OXLD1: variants seen among roughly 807,000 people sequenced by gnomAD.
OXLD1 encodes oxidoreductase-like domain-containing protein 1.
In OXLD1, 4 loss-of-function variants were observed where a neutral mutation model predicts 3.1. The observed-to-expected ratio is 1.28, with a 90% CI of 0.63 to 2.92. The LOEUF (loss-of-function observed/expected upper bound fraction) is 2.92, where lower values mean the gene tolerates loss of function less well. OXLD1 is among the 30% of genes most tolerant of loss of function. The pLI is 0.01. For missense variants in OXLD1, 240 were observed against 204.6 expected (o/e 1.17, Z -1.05); for synonymous variants, 100 against 87.0 (o/e 1.15, Z -0.83).
At chr17:81,666,286 T>C in intron 1 of OXLD1, 1 of 501,194 alleles carries the variant, frequency 2.0e-6, no homozygotes, top group East Asian at 3.5e-5. Context: ...CCGGGCTGCT[T>C]CCTCTCCCAA....
chr17:81,665,657 T>C, intron 1 of OXLD1, 73 bp from the exon 2 acceptor site: 1 of 1,486,210 alleles, frequency 6.7e-7, no homozygotes, highest in Non-Finnish European at 8.9e-7. Flanking sequence ...AGTGAGGACA[T>C]TTCAGCTCTC....
chr17:81,665,603 A>G lies in OXLD1; in HGVS notation c.61-19T>C. The stretch of plus-strand genomic sequence containing the variant: ...GAGCCCCCTGAGGATGCAGACAAAC[A>G]TGTGACTCTCCAGGAAGCTGGTGAG... On this transcript the variant is annotated intron_variant, in intron 1 of 1. Coordinates refer to ENST00000374741, the MANE Select transcript of OXLD1 (RefSeq NM_001039842.3). 6.4e-7 allele frequency: 1 copy of G among 1,558,030 alleles called. No homozygotes were observed. The highest frequency in any genetic ancestry group is 1.2e-5 in the South Asian group (1 of 83,934).
At chr17:81,665,628 G>C in intron 1 of OXLD1, 44 bp from the exon 2 acceptor site, 5 of 1,534,404 alleles carry the variant, frequency 3.3e-6, no homozygotes, top group Middle Eastern at 1.8e-4. Context: ...AAGCTGGTGA[G>C]GCCCGGTCTA....
chr17:81,666,585 G>A lies in OXLD1; in HGVS notation c.-8C>T, dbSNP rs767117815. 8.2e-6 allele frequency: 12 copies of A among 1,454,716 alleles called. No individual in the cohort carries two copies. The Admixed American group carries it at 1.5e-4, about 18-fold the overall frequency. The allele number at this position is 1,454,716 out of a possible 1,614,324, so 90.1% of individuals were successfully genotyped here. A position where few individuals can be genotyped will look rare whatever the true frequency, so the allele number is the denominator to read the frequency against. The stretch of plus-strand genomic sequence containing the variant: ...CACCCTCCGCAGCAGCATCGCCCGC[G>A]GACGGGATCCGGCAACCCCTGACCG... On this transcript the variant is annotated 5_prime_UTR_variant, in exon 1 of 2. Transcript: ENST00000374741.
At chr17:81,665,872 C>A in intron 1 of OXLD1, 2 of 473,888 alleles carry the variant, frequency 4.2e-6, no homozygotes, top group Non-Finnish European at 3.8e-6. Context: ...GGGAGGCACT[C>A]GACACCTCCA....
intron 1 of OXLD1, chr17:81,666,031 CCT>C (rs1468293655): frequency 1.1e-4 from 45 of 409,500 alleles, no homozygotes; most frequent in Middle Eastern, 1.3e-3. Flanking sequence ...TCCAAGTTTC[CCT>C]GTCACAAAGC....
chr17:81,666,128 CA>C lies in OXLD1; in HGVS notation c.60+389del, dbSNP rs2036609961. ...CTGCCCTGCTCTATCTACCCAGGAT[CA>C]CGGACTGACACGCTACCAACTTCAC... On this transcript the variant is annotated intron_variant, in intron 1 of 1. Transcript: ENST00000374741. The C allele has an allele frequency of 9.4e-6, 4 of 424,908 alleles. No homozygotes were observed. The South Asian group carries it at 2.6e-4, about 28-fold the overall frequency. The allele number at this position is 424,908 out of a possible 1,614,324, so 26.3% of individuals were successfully genotyped here.
In OXLD1 at chr17:81,665,052, T is replaced by G. The variant is rs528133431; in HGVS notation, c.*149A>C. ...ACAAAAACCTCCTGTGAAACCACCA[T>G]AGAGAATTTATTTTTTTCTCAGGTG... On this transcript the variant is annotated 3_prime_UTR_variant, in exon 2 of 2. Coordinates refer to ENST00000374741, the MANE Select transcript of OXLD1 (RefSeq NM_001039842.3). The G allele has an allele frequency of 1.2e-5, 13 of 1,102,182 alleles. No individual in the cohort carries two copies. The South Asian group carries it at 2.3e-4, about 19-fold the overall frequency. 68.3% of individuals were successfully genotyped at this position (1,102,182 alleles called of 1,614,324 possible).
chr17:81,666,550 C>G lies in OXLD1; in HGVS notation c.28G>C (p.Gly10Arg), dbSNP rs751266429. Reference protein sequence around the residue: MLLRRVVEGGRAVAAAVRGS... With the variant: MLLRRVVEGRRAVAAAVRGS... ...CGGACCGCGGCGGCTACCGCCCGGC[C>G]TCCCTCGACCACCCTCCGCAGCAGC... Residue 10 changes from glycine (G) to arginine (R), a missense_variant, in exon 1 of 2, where the codon GGC (glycine) becomes CGC (arginine). Coordinates refer to ENST00000374741, the MANE Select transcript of OXLD1 (RefSeq NM_001039842.3). The G allele has an allele frequency of 6.6e-7, 1 of 1,513,000 alleles. No homozygotes were observed. The allele number at this position is 1,513,000 out of a possible 1,614,324, so 93.7% of individuals were successfully genotyped here. A position where few individuals can be genotyped will look rare whatever the true frequency, so the allele number is the denominator to read the frequency against.
chr17:81,665,797 T>A (rs1034827656), intron 1 of OXLD1: 1 of 597,708 alleles, frequency 1.7e-6, no homozygotes, highest in Non-Finnish European at 2.8e-6. Context: ...ACGGTGTGAT[T>A]CACAAGAAGT....
chr17:81,665,265 G>T lies in OXLD1; in HGVS notation c.380C>A (p.Ala127Asp). 6.2e-7 allele frequency: 1 copy of T among 1,613,550 alleles called. No homozygotes were observed. Among genetic ancestry groups the T allele is most frequent in the Non-Finnish European group, 8.5e-7 (1 of 1,180,004 alleles). Reference protein sequence around the residue: ...RALAALEEHVADENLKAFLRM... With the variant: ...RALAALEEHVDDENLKAFLRM... ...GAGGAAGGCCTTGAGGTTCTCATCA[G>T]CCACGTGCTCCTCCAGGGCAGCCAG... Residue 127 changes from alanine (A) to aspartate (D), a missense_variant, in exon 2 of 2, where the codon GCT becomes GAT. Coordinates refer to ENST00000374741, the MANE Select transcript of OXLD1 (RefSeq NM_001039842.3).
At chr17:81,666,241 C>T in intron 1 of OXLD1, 1 of 489,486 alleles carries the variant, frequency 2.0e-6, no homozygotes, top group Non-Finnish European at 3.6e-6. Context: ...CACAGGCGCT[C>T]GGCAGATACT....
Position 81,665,161 on chromosome 17 carries a change from C to A in OXLD1, c.*40G>T, listed in dbSNP as rs202131274. The A allele has an allele frequency of 1.9e-6, 3 of 1,562,792 alleles. No individual in the cohort carries two copies. The highest frequency in any genetic ancestry group is 2.7e-5 in the African/African-American group (2 of 73,964). The stretch of plus-strand genomic sequence containing the variant: ...GAAGGAAGGAGGCTGCGGCTGCGTC[C>A]TGGACTCCGTCCTGCGGTAGGGAGT... On this transcript the variant is annotated 3_prime_UTR_variant, in exon 2 of 2. Transcript: ENST00000374741.
At chr17:81,666,281 C>T (rs981366460) in intron 1 of OXLD1, 22 of 495,948 alleles carry the variant, frequency 4.4e-5, no homozygotes, top group African/African-American at 4.3e-4. Flanking sequence ...GTTCACCGGG[C>T]TGCTTCCTCT....
intron 1 of OXLD1, chr17:81,665,877 C>T (rs1229334705): frequency 4.2e-6 from 2 of 473,496 alleles, no homozygotes; most frequent in Non-Finnish European, 7.5e-6. Flanking sequence ...GCACTCGACA[C>T]CTCCAGCTAA....
At chr17:81,666,414 A>G in intron 1 of OXLD1, 104 bp downstream of exon 1, 1 of 1,365,218 alleles carries the variant, frequency 7.3e-7, no homozygotes, top group Non-Finnish European at 9.9e-7. Context: ...CCGTCCCCAC[A>G]TGCGGGTGGA....
intron 1 of OXLD1, chr17:81,666,298 G>C: frequency 1.9e-6 from 1 of 528,282 alleles, no homozygotes; most frequent in Non-Finnish European, 3.3e-6. Flanking sequence ...CTCTCCCAAG[G>C]CTAAGCGGCC....
rs750210033 is a variant in OXLD1 at position 81,666,589 on chromosome 17, G to A, written c.-12C>T. ...CTCCGCAGCAGCATCGCCCGCGGACGGGATCCGGCAACCCCTGACCGTGAG... is the reference window on the plus strand; with the variant it reads ...CTCCGCAGCAGCATCGCCCGCGGACAGGATCCGGCAACCCCTGACCGTGAG... On this transcript the variant is annotated 5_prime_UTR_variant, in exon 1 of 2. Coordinates refer to ENST00000374741, the MANE Select transcript of OXLD1 (RefSeq NM_001039842.3). The A allele has an allele frequency of 2.1e-6, 3 of 1,445,770 alleles. No homozygotes were observed. The highest frequency in any genetic ancestry group is 2.8e-5 in the East Asian group (1 of 35,888). 89.6% of individuals were successfully genotyped at this position (1,445,770 alleles called of 1,614,324 possible). A position where few individuals can be genotyped will look rare whatever the true frequency, so the allele number is the denominator to read the frequency against.
rs1214492968 is a variant in OXLD1, at chr17:81,665,429, G to A, written c.216C>T (p.Gly72=). 6.2e-7 allele frequency: 1 copy of A among 1,613,510 alleles called. No homozygotes were observed. The highest frequency in any genetic ancestry group is 8.5e-7 in the Non-Finnish European group (1 of 1,180,028). ...GCAGCGATGCCTTGGGCGGCCTGGTGCCGTCCGCACCTGCTTGGGAGCCCA... is the reference window on the plus strand; with the variant it reads ...GCAGCGATGCCTTGGGCGGCCTGGTACCGTCCGCACCTGCTTGGGAGCCCA... ...VEVGSQAGAD[G]TRPPKASLPP... is the part of the protein sequence containing the mutation. The change falls in exon 2 of 2, where the codon GGC becomes GGT. Residue 72 remains glycine (G), a synonymous_variant. Transcript: ENST00000374741.
Sources: gnomAD v4.1 joint callset for allele counts on GRCh38, gnomAD v4.1.1 for gene constraint, MANE v1.5 for transcripts, NCBI Gene and HGNC (gene_info 2026-07-23, HGNC 2026-07-21) for gene names.